TTLL12: variants seen among roughly 807,000 people sequenced by gnomAD.
TTLL12 encodes the protein tubulin tyrosine ligase like 12, also known as tubulin--tyrosine ligase-like protein 12.
In TTLL12, 77 loss-of-function variants were observed where a neutral mutation model predicts 79.6. The observed-to-expected ratio is 0.97, with a 90% CI of 0.81 to 1.17. The LOEUF (loss-of-function observed/expected upper bound fraction) is 1.17. Among genes scored for constraint, TTLL12 ranks in the 50% most tolerant of loss-of-function variants. TTLL12 has a pLI of 0.00. For missense variants in TTLL12, 969 were observed against 895.9 expected (o/e 1.08, Z -1.04); for synonymous variants, 437 against 376.1 (o/e 1.16, Z -1.87).
At chr22:43,181,838 T>C (rs1422988767) in intron 2 of TTLL12, among the ~76,000 whole-genome samples, 2 of 152,216 alleles carry the variant, frequency 1.3e-5, no homozygotes, top group Admixed American at 6.5e-5. Flanking sequence ...GGGTTTACTC[T>C]TGCACTTGTG....
chr22:43,176,347 A>G lies in TTLL12; in HGVS notation c.890T>C (p.Val297Ala), dbSNP rs1931910858. Reference protein sequence around the residue: ...KEKLPLDINPVVHPHGHIFKV... With the variant: ...KEKLPLDINPAVHPHGHIFKV... Reference sequence around the variant, plus strand: ...GAAGATGTGGCCGTGGGGGTGCACCACGGGGTTGATGTCAAGTGGCAGCTT... The same window carrying G: ...GAAGATGTGGCCGTGGGGGTGCACCGCGGGGTTGATGTCAAGTGGCAGCTT... Residue 297 changes from valine (V) to alanine (A), a missense_variant, in exon 6 of 14, where the codon GTG becomes GCG. Transcript: ENST00000216129. The G allele has an allele frequency of 1.9e-6, 3 of 1,603,860 alleles. No individual in the cohort carries two copies. Among genetic ancestry groups the G allele is most frequent in the Non-Finnish European group, 2.5e-6 (3 of 1,176,522 alleles).
chr22:43,172,335 C>G, intron 10 of TTLL12, 68 bp downstream of exon 10: 1 of 1,584,968 alleles, frequency 6.3e-7, no homozygotes, highest in South Asian at 1.1e-5. Flanking sequence ...AAGGGCCCAT[C>G]ACCCACCCGC....
chr22:43,186,788 A>G (rs1205932460), intron 1 of TTLL12, 105 bp downstream of exon 1: 11 of 1,133,540 alleles, frequency 9.7e-6, no homozygotes, highest in Non-Finnish European at 1.1e-5. Flanking sequence ...TGGGTGGCTC[A>G]CCGCGGCTCC....
rs749008070 is a variant in TTLL12 at position 43,180,879 on chromosome 22, G to A, written c.409C>T (p.Gln137Ter). Residue 137 changes from glutamine to a stop codon, truncating the protein, a stop_gained, in exon 3 of 14, where the codon CAG becomes TAG. Coordinates refer to ENST00000216129, the MANE Select transcript of TTLL12 (RefSeq NM_015140.4). LOFTEE classifies it high-confidence loss of function. ...ATGCGGTGCAGCAGCCCGGGCACCT[G>A]CTGCAGCTGCTGGCGCGCGTGCTCC... ...RVEHARQQLQ[Q>*]VPGLLHRMAN... 1 of 1,612,890 alleles carries A rather than the reference G, an allele frequency of 6.2e-7. No homozygotes were observed. Among genetic ancestry groups the A allele is most frequent in the South Asian group, 1.1e-5 (1 of 91,074 alleles).
In TTLL12 at chr22:43,176,201, C is replaced by T. The variant is rs1265739420; in HGVS notation, c.917+119G>A. On this transcript the variant is annotated intron_variant, in intron 6 of 13. Transcript: ENST00000216129. ...GTCACTGCTGTGCCCAGACAGGATG[C>T]GGCTGACTTGCTGCGTGCCACGTGC... The T allele has an allele frequency of 1.8e-4, 136 of 739,258 alleles. 3 individuals are homozygous for T. Among genetic ancestry groups the T allele is most frequent in the South Asian group, 1.3e-3 (83 of 63,072 alleles). The allele number at this position is 739,258 out of a possible 1,614,324, so 45.8% of individuals were successfully genotyped here.
chr22:43,176,859 C>A (rs1601772078), intron 5 of TTLL12, among the ~76,000 whole-genome samples: 1 of 152,080 alleles, frequency 6.6e-6, no homozygotes, highest in South Asian at 2.1e-4. Flanking sequence ...CCTCTAACCA[C>A]CCCCCTCACC....
In TTLL12 at chr22:43,167,749, G is replaced by C. The variant is rs1230538979; in HGVS notation, c.*259C>G. On this transcript the variant is annotated 3_prime_UTR_variant, in exon 14 of 14. Coordinates refer to ENST00000216129, the MANE Select transcript of TTLL12 (RefSeq NM_015140.4). ...GAGACTCATCAGTGCACAGATGGTG[G>C]TGAGGGGTGAGGGCAGGGCGTGGGG... The C allele has an allele frequency of 2.4e-6, 1 of 410,862 alleles. No homozygotes were observed. Among genetic ancestry groups the C allele is most frequent in the Non-Finnish European group, 4.4e-6 (1 of 224,862 alleles). 25.5% of individuals were successfully genotyped at this position (410,862 alleles called of 1,614,324 possible). A position where few individuals can be genotyped will look rare whatever the true frequency, so the allele number is the denominator to read the frequency against.
chr22:43,172,631 G>C (rs1931796864), intron 9 of TTLL12, 77 bp from the exon 10 acceptor site: 1 of 1,549,410 alleles, frequency 6.5e-7, no homozygotes, highest in Non-Finnish European at 8.9e-7. Context: ...AAGCCACGCA[G>C]GGGGCACAGA....
chr22:43,167,264 C>A lies in TTLL12; in HGVS notation c.*744G>T, dbSNP rs1386107537. ...GGGCGGGACCCCGTGGAGTGCCCGG[C>A]GAGCAGGGCAACCACTGGGAAGACA... On this transcript the variant is annotated 3_prime_UTR_variant, in exon 14 of 14. Transcript: ENST00000216129. The A allele has an allele frequency of 3.9e-6, 2 of 509,132 alleles. No homozygotes were observed. Among genetic ancestry groups the A allele is most frequent in the Admixed American group, 2.1e-5 (1 of 48,420 alleles). The allele number at this position is 509,132 out of a possible 1,614,324, so 31.5% of individuals were successfully genotyped here. A position where few individuals can be genotyped will look rare whatever the true frequency, so the allele number is the denominator to read the frequency against.
At chr22:43,183,343 A>G (rs1039097452) in intron 1 of TTLL12, among the ~76,000 whole-genome samples, 194 bp from the exon 2 acceptor site, 1 of 152,186 alleles carries the variant, frequency 6.6e-6, no homozygotes, top group African/African-American at 2.4e-5. Context: ...TGGAGATTTC[A>G]GGCTCGGAAC....
In TTLL12 at chr22:43,167,257, T is replaced by A. The variant is rs912879853; in HGVS notation, c.*751A>T. The A allele has an allele frequency of 5.8e-6, 3 of 513,192 alleles. No homozygotes were observed. The highest frequency in any genetic ancestry group is 1.9e-5 in the African/African-American group (1 of 51,516). 31.8% of individuals were successfully genotyped at this position (513,192 alleles called of 1,614,324 possible). On this transcript the variant is annotated 3_prime_UTR_variant, in exon 14 of 14. Transcript: ENST00000216129. ...CACACAAGGGCGGGACCCCGTGGAG[T>A]GCCCGGCGAGCAGGGCAACCACTGG...
In TTLL12 at chr22:43,167,228, A is replaced by G. The variant is rs1424400704; in HGVS notation, c.*780T>C. The G allele has an allele frequency of 5.7e-6, 3 of 530,156 alleles. No homozygotes were observed. Among genetic ancestry groups the G allele is most frequent in the South Asian group, 1.4e-5 (1 of 70,924 alleles). The allele number at this position is 530,156 out of a possible 1,614,324, so 32.8% of individuals were successfully genotyped here. ...GCCCCTTGCCGAAGGATCCTGGCCC[A>G]TCTCACACAAGGGCGGGACCCCGTG... On this transcript the variant is annotated 3_prime_UTR_variant, in exon 14 of 14. Transcript: ENST00000216129.
Position 43,179,878 on chromosome 22 carries a change from G to A in TTLL12, c.669C>T (p.Tyr223=), listed in dbSNP as rs1267355308. 2 of 1,609,804 alleles carry A rather than the reference G, an allele frequency of 1.2e-6. No individual in the cohort carries two copies. Among genetic ancestry groups the A allele is most frequent in the Non-Finnish European group, 1.7e-6 (2 of 1,179,270 alleles). The stretch of plus-strand genomic sequence containing the variant: ...GGTCCCTCAGGGGCCACAGCAGCGT[G>A]TAGGCCACCTGCTGCGGCATGTAGA... ...PFFYMPQQVA[Y]TLLWPLRDLD... The change falls in exon 4 of 14, where the codon TAC becomes TAT. Residue 223 remains tyrosine (Y), a synonymous_variant. Transcript: ENST00000216129.
intron 2 of TTLL12, among the ~76,000 whole-genome samples, chr22:43,181,651 G>A (rs34874993): frequency 0.085 from 12,991 of 152,248 alleles, 620 homozygotes; most frequent in Non-Finnish European, 0.11. Flanking sequence ...CGGATCAGGA[G>A]GCACCAAACA....
intron 11 of TTLL12, 72 bp from the exon 12 acceptor site, chr22:43,169,640 G>C (rs751586334): frequency 6.6e-7 from 1 of 1,520,644 alleles, no homozygotes. Flanking sequence ...GCCTGCTACT[G>C]CCTGGACCAG....
chr22:43,172,701 CT>C (rs368382622), intron 9 of TTLL12, 147 bp from the exon 10 acceptor site: 125,716 of 600,300 alleles, frequency 0.21, 31 homozygotes, highest in South Asian at 0.29. Flanking sequence ...GCTGCAAAGT[CT>C]TTTTTTTTTT....
intron 1 of TTLL12, 65 bp downstream of exon 1, chr22:43,186,828 G>A (rs1265749898): frequency 1.6e-6 from 2 of 1,227,144 alleles, no homozygotes; most frequent in East Asian, 3.5e-5. Context: ...TCCCTGTCCC[G>A]CGCCGCGGGC....
chr22:43,186,934 C>CG lies in TTLL12; in HGVS notation c.135dup (p.Glu46ArgfsTer107). The CG allele has an allele frequency of 7.3e-7, 1 of 1,363,802 alleles. No individual in the cohort carries two copies. The highest frequency in any genetic ancestry group is 3.2e-5 in the East Asian group (1 of 30,910). The allele number at this position is 1,363,802 out of a possible 1,614,324, so 84.5% of individuals were successfully genotyped here. On this transcript the variant is annotated frameshift_variant, in exon 1 of 14. Transcript: ENST00000216129. LOFTEE classifies it high-confidence loss of function. ...TGCAGGAGGCGGCCCCAGTAACGTT[C>CG]GGGGACCCCCGAAGCGCGCAGCGCC...
At chr22:43,180,419 T>C (rs371440828) in intron 3 of TTLL12, among the ~76,000 whole-genome samples, 12 of 152,128 alleles carry the variant, frequency 7.9e-5, no homozygotes, top group African/African-American at 2.7e-4. Flanking sequence ...GGCTGGAGCA[T>C]GGGGTGAGTC....
Sources: gnomAD v4.1 joint callset for allele counts (sites outside exome capture counted in the v4.1 genomes callset) on GRCh38, gnomAD v4.1.1 for gene constraint, MANE v1.5 for transcripts, NCBI Gene and HGNC (gene_info 2026-07-23, HGNC 2026-07-21) for gene names.